MCOLN1: variants seen among roughly 807,000 people sequenced by gnomAD.
MCOLN1 encodes mucolipin-1.
In MCOLN1, 50 loss-of-function variants were observed where a neutral mutation model predicts 70.3. The ratio of observed to expected loss-of-function variants is 0.71; its 90% CI spans 0.57 to 0.90. MCOLN1 has a LOEUF of 0.90. Among genes scored for constraint, MCOLN1 ranks in the 40% least tolerant of loss-of-function variants. The pLI is 0.00. For missense variants in MCOLN1, 598 were observed against 803.5 expected, an observed-to-expected ratio of 0.74 and a Z score of 3.09; for synonymous variants, 366 against 341.0, an observed-to-expected ratio of 1.07 and a Z score of -0.81.
At chr19:7,527,720 A>G (rs1443062509) in intron 5 of MCOLN1, 92 bp downstream of exon 5, 6 of 1,090,106 alleles carry the variant, frequency 5.5e-6, no homozygotes, top group African/African-American at 1.5e-5. Flanking sequence ...AGGTGGGGAC[A>G]GGGCCCCCCC....
intron 12 of MCOLN1, among the ~76,000 whole-genome samples, chr19:7,530,810 C>G (rs2022644823): frequency 6.6e-6 from 1 of 152,200 alleles, no homozygotes; most frequent in African/African-American, 2.4e-5. Context: ...GTGGTGCGAT[C>G]TTGACTCACT....
intron 10 of MCOLN1, 90 bp from the exon 11 acceptor site, chr19:7,529,500 G>GGGC: frequency 1.2e-6 from 1 of 845,454 alleles, no homozygotes; most frequent in Non-Finnish European, 1.9e-6. Context: ...CCCTCGGCAA[G>GGGC]GCCCCGCCCC....
chr19:7,523,462 T>C (rs555986326), intron 1 of MCOLN1, among the ~76,000 whole-genome samples: 44 of 152,352 alleles, frequency 2.9e-4, no homozygotes, highest in Non-Finnish European at 5.9e-4. Context: ...AAGCGGGCCC[T>C]GCCCTCTGGC....
chr19:7,528,582 C>T lies in MCOLN1; in HGVS notation c.878-15C>T, dbSNP rs1210303866. ...CATGCCATCCTTGGCCCTACCCGCT[C>T]TGCCCTCCCCGCAGGAGACAACAGC... On this transcript the variant is annotated splice_polypyrimidine_tract_variant and intron_variant, in intron 7 of 13. Transcript: ENST00000264079. This position sits in a 1 kb window ranked among gnomAD's most constrained non-coding sequence, Gnocchi z 4.2. 1.2e-6 allele frequency: 2 copies of T among 1,614,028 alleles called. No individual in the cohort carries two copies. Among genetic ancestry groups the T allele is most frequent in the South Asian group, 1.1e-5 (1 of 91,068 alleles).
chr19:7,527,467 C>T lies in MCOLN1; in HGVS notation c.572-53C>T, dbSNP rs2022587901. 7 of 818,648 alleles carry T rather than the reference C, an allele frequency of 8.6e-6. No homozygotes were observed. The Admixed American group carries it at 1.0e-4, about 12-fold the overall frequency. The allele number at this position is 818,648 out of a possible 1,614,324, so 50.7% of individuals were successfully genotyped here. A position where few individuals can be genotyped will look rare whatever the true frequency, so the allele number is the denominator to read the frequency against. On this transcript the variant is annotated intron_variant, in intron 4 of 13. Coordinates refer to ENST00000264079, the MANE Select transcript of MCOLN1 (RefSeq NM_020533.3). ...AAGGCCACTGGGGACTCTGGGGAGA[C>T]CAGCCTGGCCTCCCCGGCCCCCTGA...
At position 7,524,971 on chromosome 19, in the gene MCOLN1, G is replaced by C; in HGVS notation, c.42G>C (p.Arg14=). 1 of 1,613,692 alleles carries C rather than the reference G, an allele frequency of 6.2e-7. No homozygotes were observed. Among genetic ancestry groups the C allele is most frequent in the South Asian group, 1.1e-5 (1 of 91,072 alleles). ...CTCCTATTCCCACAGAGACCGAGCG[G>C]CTTCTGACCCCCAACCCCGGGTATG... The part of the protein sequence containing the change: ...PAGPRGSETE[R]LLTPNPGYGT... The change falls in exon 2 of 14, where the codon CGG becomes CGC. Residue 14 remains arginine, a synonymous_variant. Coordinates refer to ENST00000264079, the MANE Select transcript of MCOLN1 (RefSeq NM_020533.3). The surrounding 1 kb of genome is among the most constrained non-coding windows in gnomAD (Gnocchi z 4.1).
chr19:7,529,963 G>A (rs543783773), intron 11 of MCOLN1, among the ~76,000 whole-genome samples: 3 of 152,250 alleles, frequency 2.0e-5, no homozygotes, highest in Non-Finnish European at 2.9e-5. Flanking sequence ...TCATTGACCC[G>A]TGGTCCCGGC....
In MCOLN1 at chr19:7,528,975, G is replaced by A. The variant is rs781005728; in HGVS notation, c.1134+5G>A. ...AAGATCGGCATCGAGGCCAAGGTGC[G>A]TCCTGCCAACACCCTGGGCCCCAGG... On this transcript the variant is annotated splice_donor_5th_base_variant and intron_variant, in intron 9 of 13. Transcript: ENST00000264079. This position sits in a 1 kb window ranked among gnomAD's most constrained non-coding sequence, Gnocchi z 4.2. The A allele has an allele frequency of 1.1e-5, 17 of 1,613,940 alleles. No homozygotes were observed. In the East Asian group the frequency reaches 2.2e-4, roughly 21 times the overall value.
rs772445954 is a variant in MCOLN1, at chr19:7,529,086, AG to A, written c.1135-14del. On this transcript the variant is annotated splice_polypyrimidine_tract_variant and intron_variant, in intron 9 of 13. Transcript: ENST00000264079. ...AGGGCTGGGCCAGATAGGTTGACGC[AG>A]CTCCCACCCGCAGAACTTGGCGAGC... 1.2e-6 allele frequency: 2 copies of A among 1,613,810 alleles called. No individual in the cohort carries two copies. Among genetic ancestry groups the A allele is most frequent in the East Asian group, 4.5e-5 (2 of 44,880 alleles).
At chr19:7,533,153 T>TG in intron 12 of MCOLN1, among the ~76,000 whole-genome samples, 1 of 152,350 alleles carries the variant, frequency 6.6e-6, no homozygotes, top group Admixed American at 6.5e-5. Flanking sequence ...ATCACACACA[T>TG]GCATCCACTC....
In MCOLN1 at chr19:7,533,560, A is replaced by G. The variant is rs1389081778; in HGVS notation, c.1613A>G (p.Gln538Arg). 1.2e-6 allele frequency: 2 copies of G among 1,612,108 alleles called. No individual in the cohort carries two copies. Among genetic ancestry groups the G allele is most frequent in the Non-Finnish European group, 1.7e-6 (2 of 1,179,950 alleles). Residue 538 changes from glutamine to arginine, a missense_variant, in exon 13 of 14, where the codon CAG (glutamine) becomes CGG (arginine). Coordinates refer to ENST00000264079, the MANE Select transcript of MCOLN1 (RefSeq NM_020533.3). ...GCAGGCGCAGAGGAGAGCGAGCTGC[A>G]GGCCTACATCGCACAGTGCCAGGAC... ...GGAGAEESELQAYIAQCQDSP... is the reference protein window; with the variant it reads ...GGAGAEESELRAYIAQCQDSP...
chr19:7,529,601 C>G lies in MCOLN1; in HGVS notation c.1248C>G (p.Ala416=). ...TFFHNYNILI[A]TLRVALPSVM... is the part of the protein sequence containing the mutation. ...CTGCCCCAACCCAGATCCTCATCGCCACACTGCGGGTGGCCCTGCCCAGCG... is the reference window on the plus strand; with the variant it reads ...CTGCCCCAACCCAGATCCTCATCGCGACACTGCGGGTGGCCCTGCCCAGCG... The change falls in exon 11 of 14, where the codon GCC becomes GCG. Residue 416 remains alanine, a synonymous_variant. Coordinates refer to ENST00000264079, the MANE Select transcript of MCOLN1 (RefSeq NM_020533.3). The G allele has an allele frequency of 6.2e-7, 1 of 1,613,946 alleles. No homozygotes were observed. The highest frequency in any genetic ancestry group is 8.5e-7 in the Non-Finnish European group (1 of 1,179,936).
chr19:7,527,763 C>T, intron 5 of MCOLN1, 101 bp from the exon 6 acceptor site: 10 of 1,161,476 alleles, frequency 8.6e-6, no homozygotes, highest in South Asian at 1.2e-5. Context: ...TGAGCACTTC[C>T]CCTGCCAGCT....
At position 7,524,837 on chromosome 19, in the gene MCOLN1, A is replaced by G. The variant is rs2146021013; in HGVS notation, c.32-124A>G. On this transcript the variant is annotated intron_variant, in intron 1 of 13. Transcript: ENST00000264079. This position sits in a 1 kb window ranked among gnomAD's most constrained non-coding sequence, Gnocchi z 4.1. ...TTTTCTGGTTTTCTTTAGACCTCTC[A>G]GAGCTCTTCCTTGGCAGGAGCATGG... 2 of 791,942 alleles carry G rather than the reference A, an allele frequency of 2.5e-6. No individual in the cohort carries two copies. Among genetic ancestry groups the G allele is most frequent in the East Asian group, 5.3e-5 (2 of 37,536 alleles). 49.1% of individuals were successfully genotyped at this position (791,942 alleles called of 1,614,324 possible). A position where few individuals can be genotyped will look rare whatever the true frequency, so the allele number is the denominator to read the frequency against.
At chr19:7,523,185 C>T (rs556443267) in intron 1 of MCOLN1, among the ~76,000 whole-genome samples, 8 of 152,364 alleles carry the variant, frequency 5.3e-5, no homozygotes, top group African/African-American at 1.9e-4. Context: ...GACAAATGCT[C>T]AGCTTCCCTA....
At position 7,525,633 on chromosome 19, in the gene MCOLN1, C is replaced by T. The variant is rs1257797032; in HGVS notation, c.237+467C>T. The T allele has an allele frequency of 9.4e-6, 2 of 212,308 alleles. No individual in the cohort carries two copies. The highest frequency in any genetic ancestry group is 2.4e-5 in the African/African-American group (1 of 42,100). The allele number at this position is 212,308 out of a possible 1,614,324, so 13.2% of individuals were successfully genotyped here. On this transcript the variant is annotated intron_variant, in intron 2 of 13. Coordinates refer to ENST00000264079, the MANE Select transcript of MCOLN1 (RefSeq NM_020533.3). The surrounding 1 kb of genome is among the most constrained non-coding windows in gnomAD (Gnocchi z 4.2). Reference sequence around the variant, plus strand: ...ACCCAATGGCTGCACAGATAGTTCTCCCTCCCCCATGCCAGACCCTGTGCT... The same window carrying T: ...ACCCAATGGCTGCACAGATAGTTCTTCCTCCCCCATGCCAGACCCTGTGCT...
intron 1 of MCOLN1, among the ~76,000 whole-genome samples, chr19:7,523,090 C>G (rs2022518450): frequency 1.3e-5 from 2 of 152,180 alleles, no homozygotes; most frequent in African/African-American, 4.8e-5. Flanking sequence ...TCCGATTGCT[C>G]AACTTCGTCT....
intron 11 of MCOLN1, among the ~76,000 whole-genome samples, chr19:7,530,054 C>G (rs1344638825): frequency 6.6e-6 from 1 of 151,600 alleles, no homozygotes; most frequent in Non-Finnish European, 1.5e-5. Flanking sequence ...ACGTGGGACC[C>G]CAGCCTGGGT....
Position 7,522,637 on chromosome 19 carries a change from T to C in MCOLN1, c.-114T>C. The C allele has an allele frequency of 4.4e-6, 5 of 1,144,626 alleles. No individual in the cohort carries two copies. 70.9% of individuals were successfully genotyped at this position (1,144,626 alleles called of 1,614,324 possible). On this transcript the variant is annotated 5_prime_UTR_variant, in exon 1 of 14. It removes an upstream start codon present in the reference 5' UTR. Coordinates refer to ENST00000264079, the MANE Select transcript of MCOLN1 (RefSeq NM_020533.3). Reference sequence around the variant, plus strand: ...CGTGACCGAGGCACAGATCAGCTGATGCCGGAGGGTTTGAAGCCGCGCCGC... The same window carrying C: ...CGTGACCGAGGCACAGATCAGCTGACGCCGGAGGGTTTGAAGCCGCGCCGC...
Sources: gnomAD v4.1 joint callset for allele counts (sites outside exome capture counted in the v4.1 genomes callset) on GRCh38, gnomAD v4.1.1 for gene constraint, Gnocchi (gnomAD v3.1) non-coding constraint, MANE v1.5 for transcripts, NCBI Gene and HGNC (gene_info 2026-07-23, HGNC 2026-07-21) for gene names.